HOMER2: variants seen among roughly 807,000 people sequenced by gnomAD.
HOMER2 encodes the protein homer protein homolog 2.
In HOMER2, 27 loss-of-function variants were observed where a neutral mutation model predicts 47.0. The ratio of observed to expected loss-of-function variants is 0.57; its 90% CI spans 0.42 to 0.79. The LOEUF (loss-of-function observed/expected upper bound fraction) is 0.79. Ranked by LOEUF, HOMER2 falls within the 30% of genes least tolerant of loss-of-function variation. HOMER2 has a pLI of 0.00. For synonymous variants in HOMER2, 161 were observed against 163.8 expected (o/e 0.98, Z 0.13); for missense variants, 443 against 435.0 (o/e 1.02, Z -0.16).
At chr15:82,835,655 C>G (rs2051118663), downstream of HOMER2, 1 of 152,446 alleles carries the variant, frequency 6.6e-6, no homozygotes, top group African/African-American at 2.4e-5. Flanking sequence ...CTGTGCTGGC[C>G]CAGGCCTGAT....
At chr15:82,911,271 C>A (rs988623205) in intron 1 of HOMER2, among the ~76,000 whole-genome samples, 18 of 152,122 alleles carry the variant, frequency 1.2e-4, no homozygotes, top group African/African-American at 4.3e-4. Context: ...ACTTAGAAGT[C>A]TAGGACTTGT....
At chr15:82,903,603 G>C (rs1406377144) in intron 1 of HOMER2, among the ~76,000 whole-genome samples, 1 of 150,544 alleles carries the variant, frequency 6.6e-6, no homozygotes. Flanking sequence ...TGGGCAACAA[G>C]AGCGAAACTC....
chr15:82,923,938 C>T (rs543089401), intron 1 of HOMER2, among the ~76,000 whole-genome samples: 2 of 152,254 alleles, frequency 1.3e-5, no homozygotes, highest in African/African-American at 4.8e-5. Flanking sequence ...CTACATCTTA[C>T]GTGCCGTGTC....
intron 1 of HOMER2, among the ~76,000 whole-genome samples, chr15:82,904,030 G>C (rs746854508): frequency 6.6e-6 from 1 of 152,146 alleles, no homozygotes; most frequent in Non-Finnish European, 1.5e-5. Context: ...TCAGCTACTC[G>C]AGAGGCTGAG....
chr15:82,852,400 C>T (rs568170709), intron 6 of HOMER2, 148 bp from the exon 7 acceptor site: 1 of 611,808 alleles, frequency 1.6e-6, no homozygotes, highest in East Asian at 2.9e-5. Flanking sequence ...TATGAACAAA[C>T]CCCATGCAGC....
intron 3 of HOMER2, among the ~76,000 whole-genome samples, chr15:82,866,854 T>C (rs1036718253): frequency 2.0e-5 from 3 of 152,240 alleles, no homozygotes; most frequent in Admixed American, 1.3e-4. Flanking sequence ...CTGTTTCTTT[T>C]GTAAATTGCC....
upstream of HOMER2, chr15:82,986,012 C>T: frequency 2.1e-6 from 2 of 966,046 alleles, no homozygotes; most frequent in Non-Finnish European, 2.5e-6. Flanking sequence ...TTTCGACTGC[C>T]CAGCCACCAG....
chr15:82,880,330 T>TA (rs2052481479), intron 2 of HOMER2, among the ~76,000 whole-genome samples: 2 of 152,232 alleles, frequency 1.3e-5, no homozygotes, highest in African/African-American at 2.4e-5. Flanking sequence ...GGTTTAGCGA[T>TA]ATATACACAT....
chr15:82,968,497 G>C (rs1871658), intron 1 of HOMER2, among the ~76,000 whole-genome samples: 108,795 of 152,172 alleles, frequency 0.71, 40,311 homozygotes, highest in African/African-American at 0.91. Context: ...AAAAGTCTCC[G>C]TCTCACCCCT....
At chr15:82,918,672 C>T (rs1287829286) in intron 1 of HOMER2, among the ~76,000 whole-genome samples, 6 of 152,176 alleles carry the variant, frequency 3.9e-5, no homozygotes, top group Non-Finnish European at 7.4e-5. Context: ...TGCTGCTGTT[C>T]TCCCTGCACC....
exon 2 of HOMER2, chr15:82,842,519 A>G (rs1270076): frequency 0.83 from 120,380 of 145,268 alleles, 49,927 homozygotes; most frequent in East Asian, 0.93. Flanking sequence ...TCGCCATGTT[A>G]TCCAGGCTGG....
intron 1 of HOMER2, among the ~76,000 whole-genome samples, chr15:82,982,957 T>C (rs780459696): frequency 1.3e-5 from 2 of 152,212 alleles, no homozygotes; most frequent in Non-Finnish European, 2.9e-5. Context: ...GAAAAGATCA[T>C]ATACAGCTGC....
chr15:82,903,814 G>A (rs1702468599), intron 1 of HOMER2, among the ~76,000 whole-genome samples: 1 of 152,110 alleles, frequency 6.6e-6, no homozygotes, highest in South Asian at 2.1e-4. Flanking sequence ...GCACAACATG[G>A]TGAAACCCCA....
At chr15:82,937,167 C>T (rs1052449348) in intron 1 of HOMER2, among the ~76,000 whole-genome samples, 2 of 152,204 alleles carry the variant, frequency 1.3e-5, no homozygotes, top group African/African-American at 4.8e-5. Flanking sequence ...CATAGTCATA[C>T]AGCAAATATC....
At chr15:82,933,075 T>C (rs2054055284) in intron 1 of HOMER2, among the ~76,000 whole-genome samples, 1 of 151,832 alleles carries the variant, frequency 6.6e-6, no homozygotes, top group African/African-American at 2.4e-5. Context: ...CCAAGTCCTT[T>C]AAACAGGTGG....
At chr15:82,876,736 T>C (rs1185889066) in intron 2 of HOMER2, among the ~76,000 whole-genome samples, 1 of 152,194 alleles carries the variant, frequency 6.6e-6, no homozygotes, top group Non-Finnish European at 1.5e-5. Context: ...TCAGAACACT[T>C]TCCTTGTAAC....
Position 82,854,786 on chromosome 15 carries a change from T to G in HOMER2, c.509A>C (p.Lys170Thr). Residue 170 changes from lysine to threonine, a missense_variant, in exon 6 of 9, where the codon AAG (lysine) becomes ACG (threonine). Coordinates refer to ENST00000450735, the MANE Select transcript of HOMER2 (RefSeq NM_004839.4). ...IALTQSAANVKKWEIELQTLR... is the reference protein window; with the variant it reads ...IALTQSAANVTKWEIELQTLR... Reference sequence around the variant, plus strand: ...GGTCTGCAGCTCGATCTCCCACTTCTTCACGTTGGCTGCGCTGCAGGACAG... The same window carrying G: ...GGTCTGCAGCTCGATCTCCCACTTCGTCACGTTGGCTGCGCTGCAGGACAG... The G allele has an allele frequency of 1.2e-6, 2 of 1,609,742 alleles. No homozygotes were observed. Among genetic ancestry groups the G allele is most frequent in the Non-Finnish European group, 1.7e-6 (2 of 1,179,520 alleles).
rs371728469 is a variant in HOMER2 at position 82,968,198 on chromosome 15, G to A, written n.83-8890C>T. ...ATTACAGGCATGAGCCACCATGGCC[G>A]GCCATTTTAACCACAGCGGAATTTA... On this transcript the variant is annotated intron_variant and non_coding_transcript_variant, in intron 1 of 1. Coordinates refer to the HOMER2 transcript ENST00000500334. Among the ~76,000 whole-genome samples the A allele has an allele frequency of 2.3e-4, 35 of 152,190 alleles. No individual in the cohort carries two copies. In the East Asian group the frequency reaches 6.0e-3, roughly 26 times the overall value.
At chr15:82,869,337 C>T (rs578082922) in intron 3 of HOMER2, among the ~76,000 whole-genome samples, 1 of 151,020 alleles carries the variant, frequency 6.6e-6, no homozygotes, top group Non-Finnish European at 1.5e-5. Flanking sequence ...TATTTGCATT[C>T]ATTACCTACA....
Sources: allele counts gnomAD v4.1 joint callset (sites outside exome capture counted in the v4.1 genomes callset), GRCh38; gene constraint gnomAD v4.1.1; transcripts MANE v1.5; gene names NCBI Gene and HGNC (gene_info 2026-07-23, HGNC 2026-07-21).